The following SET variants were observed in gnomAD, a reference collection of about 807,000 sequenced individuals.
The protein encoded by SET is protein SET.
A neutral mutation model predicts 39.0 loss-of-function variants in SET; 4 were observed. The observed-to-expected ratio is 0.10, with a 90% CI of 0.05 to 0.23. The LOEUF (loss-of-function observed/expected upper bound fraction) is 0.23, where lower values mean the gene tolerates loss of function less well. Ranked by LOEUF, SET falls within the 10% of genes least tolerant of loss-of-function variation. The probability of loss-of-function intolerance (pLI) is 1.00; values close to 1 mark genes in which losing one functional copy is unlikely to be tolerated. For synonymous variants in SET, 114 were observed against 115.9 expected, an observed-to-expected ratio of 0.98 and a Z score of 0.11; for missense variants, 137 against 329.7, an observed-to-expected ratio of 0.42 and a Z score of 4.53.
chr9:128,692,845 A>C (rs547209290), intron 4 of SET, 23 bp from the exon 5 acceptor site: 8 of 1,522,096 alleles, frequency 5.3e-6, no homozygotes, highest in Middle Eastern at 1.7e-4. Context: ...TCATATTTCT[A>C]ATCTTTCAAT....
chr9:128,689,144 T>A, upstream of SET: 1 of 439,514 alleles, frequency 2.3e-6, no homozygotes, highest in Non-Finnish European at 3.0e-6. Context: ...CCCAGGCCAA[T>A]GGCGCCGCGG....
rs1193695962 is a variant in SET at position 128,695,244 on chromosome 9, C to T, written c.*580C>T. 4.5e-6 allele frequency: 1 copy of T among 221,684 alleles called. No individual in the cohort carries two copies. The highest frequency in any genetic ancestry group is 6.4e-5 in the East Asian group (1 of 15,680). The allele number at this position is 221,684 out of a possible 1,614,324, so 13.7% of individuals were successfully genotyped here. A position where few individuals can be genotyped will look rare whatever the true frequency, so the allele number is the denominator to read the frequency against. On this transcript the variant is annotated 3_prime_UTR_variant, in exon 8 of 8. Coordinates refer to ENST00000322030, the MANE Select transcript of SET (RefSeq NM_003011.4). Reference sequence around the variant, plus strand: ...TTAAGTGGGCATTTTGACAACATGGCTTCTCCTTTGGCATGTTTAATTGTG... The same window carrying T: ...TTAAGTGGGCATTTTGACAACATGGTTTCTCCTTTGGCATGTTTAATTGTG...
intron 1 of SET, 191 bp from the exon 2 acceptor site, chr9:128,690,979 A>C: frequency 3.1e-6 from 2 of 654,908 alleles, no homozygotes; most frequent in Non-Finnish European, 5.5e-6. Flanking sequence ...AGCAGACAGC[A>C]TGACTTGTAA....
chr9:128,689,230 G>A lies in SET; in HGVS notation c.-353G>A, dbSNP rs1311639770. On this transcript the variant is annotated 5_prime_UTR_variant, in exon 1 of 8. Coordinates refer to ENST00000322030, the MANE Select transcript of SET (RefSeq NM_003011.4). Reference sequence around the variant, plus strand: ...CTGCGCCCTGCGCCCGCCCCTCGCCGTAGGAGGAGGTGGAGGAGGAGGCGG... The same window carrying A: ...CTGCGCCCTGCGCCCGCCCCTCGCCATAGGAGGAGGTGGAGGAGGAGGCGG... The A allele has an allele frequency of 8.0e-6, 8 of 997,446 alleles. No homozygotes were observed. Among genetic ancestry groups the A allele is most frequent in the Non-Finnish European group, 9.6e-6 (8 of 837,372 alleles). 61.8% of individuals were successfully genotyped at this position (997,446 alleles called of 1,614,324 possible).
At chr9:128,688,939 CG>C (rs1344127945), upstream of SET, among the ~76,000 whole-genome samples, 1 of 151,700 alleles carries the variant, frequency 6.6e-6, no homozygotes, top group Non-Finnish European at 1.5e-5. Flanking sequence ...ACGCGCCGGC[CG>C]GGGGCACCCG....
chr9:128,694,122 AGTG>A (rs1861644007), intron 7 of SET, 80 bp downstream of exon 7: 2 of 1,273,116 alleles, frequency 1.6e-6, no homozygotes, highest in Non-Finnish European at 1.1e-6. Flanking sequence ...ATATATATAT[AGTG>A]TGGTAGAACT....
intron 7 of SET, 58 bp downstream of exon 7, chr9:128,694,100 T>TGG (rs1861640927): frequency 6.1e-6 from 8 of 1,305,500 alleles, no homozygotes; most frequent in African/African-American, 1.9e-5. Flanking sequence ...CATGTTATTT[T>TGG]GGGGTGTATA....
At position 128,689,600 on chromosome 9, in the gene SET, C is replaced by T; in HGVS notation, c.18C>T (p.Ala6=). ...GCAGCACCATGTCGGCGCCGGCGGCCAAAGTCAGTAAAAAGGAGCTCAACT... is the reference window on the plus strand; with the variant it reads ...GCAGCACCATGTCGGCGCCGGCGGCTAAAGTCAGTAAAAAGGAGCTCAACT... The part of the protein sequence containing the change: MSAPA[A]KVSKKELNSN... Residue 6 remains alanine, a synonymous_variant, in exon 1 of 8, where the codon GCC becomes GCT. Transcript: ENST00000322030. The T allele has an allele frequency of 7.2e-7, 1 of 1,384,970 alleles. No individual in the cohort carries two copies. Among genetic ancestry groups the T allele is most frequent in the Non-Finnish European group, 9.5e-7 (1 of 1,051,296 alleles). The allele number at this position is 1,384,970 out of a possible 1,614,324, so 85.8% of individuals were successfully genotyped here. A position where few individuals can be genotyped will look rare whatever the true frequency, so the allele number is the denominator to read the frequency against.
At position 128,691,159 on chromosome 9, in the gene SET, C is replaced by CT. The variant is rs773080956; in HGVS notation, c.74-5dup. The CT allele has an allele frequency of 1.4e-5, 23 of 1,600,098 alleles. No homozygotes were observed. Among genetic ancestry groups the CT allele is most frequent in the East Asian group, 2.2e-5 (1 of 44,756 alleles). Reference sequence around the variant, plus strand: ...TATCTTAGAATTAAGTTTTTTGCTCCTTTTTTGCAGAAAAAGAACAGCAAG... The same window carrying CT: ...TATCTTAGAATTAAGTTTTTTGCTCCTTTTTTTGCAGAAAAAGAACAGCAAG... On this transcript the variant is annotated splice_polypyrimidine_tract_variant and intron_variant, in intron 1 of 7. Coordinates refer to ENST00000322030, the MANE Select transcript of SET (RefSeq NM_003011.4).
At chr9:128,688,509 G>T (rs956147820), upstream of SET, among the ~76,000 whole-genome samples, 2 of 152,136 alleles carry the variant, frequency 1.3e-5, no homozygotes, top group African/African-American at 4.8e-5. Context: ...TGATTCTTGC[G>T]GGCGCTGGGC....
At chr9:128,693,563 TC>T in intron 5 of SET, 74 bp from the exon 6 acceptor site, 3 of 1,431,698 alleles carry the variant, frequency 2.1e-6, no homozygotes, top group South Asian at 2.9e-5. Context: ...TTGGGGAAAA[TC>T]TTATTTTTTA....
rs200600519 is a variant in SET at position 128,693,712 on chromosome 9, C to T, written c.567C>T (p.Phe189=). 75 of 1,613,812 alleles carry T rather than the reference C, an allele frequency of 4.6e-5. No homozygotes were observed. In the East Asian group the frequency reaches 1.7e-3, roughly 36 times the overall value. The change falls in exon 6 of 8, where the codon TTC becomes TTT. Residue 189 remains phenylalanine, a synonymous_variant. Coordinates refer to ENST00000322030, the MANE Select transcript of SET (RefSeq NM_003011.4). Reference sequence around the variant, plus strand: ...GGCAGCATGAGGAACCAGAGAGCTTCTTTACCTGGTTTACTGACCATTCTG... The same window carrying T: ...GGCAGCATGAGGAACCAGAGAGCTTTTTTACCTGGTTTACTGACCATTCTG... ...RKRQHEEPES[F]FTWFTDHSDA...
chr9:128,693,955 G>A lies in SET; in HGVS notation c.723G>A (p.Glu241=). The A allele has an allele frequency of 6.4e-7, 1 of 1,552,602 alleles. No homozygotes were observed. Among genetic ancestry groups the A allele is most frequent in the Non-Finnish European group, 8.9e-7 (1 of 1,125,078 alleles). ...EGEEDDDDDE[E]EEGLEDIDEE... is the part of the protein sequence containing the mutation. ...AAGAAGATGATGATGATGATGAAGA[G>A]GAGGAAGGATTAGAAGATATTGACG... Residue 241 remains glutamate (E), a synonymous_variant, in exon 7 of 8, where the codon GAG becomes GAA. Transcript: ENST00000322030.
intron 3 of SET, 94 bp downstream of exon 3, chr9:128,692,094 T>G: frequency 6.8e-7 from 1 of 1,462,098 alleles, no homozygotes. Context: ...CTGGGTTGCG[T>G]GCAACAAAGA....
chr9:128,689,838 G>C, intron 1 of SET, 183 bp downstream of exon 1: 1 of 156,996 alleles, frequency 6.4e-6, no homozygotes, highest in Non-Finnish European at 1.3e-5. Context: ...GGGGGCCTGG[G>C]TGGCCCGCGC....
exon 1 of SET, chr9:128,683,951 C>T (rs900458307): frequency 5.8e-6 from 9 of 1,557,496 alleles, no homozygotes; most frequent in Non-Finnish European, 7.8e-6. Flanking sequence ...CCAAGACCAC[C>T]TCCTGCTCTG....
Position 128,693,880 on chromosome 9 carries a change from C to CTT in SET, c.664-5_664-4dup, listed in dbSNP as rs140324291. 217 of 1,285,922 alleles carry CTT rather than the reference C, an allele frequency of 1.7e-4. No homozygotes were observed. The highest frequency in any genetic ancestry group is 7.6e-4 in the Admixed American group (35 of 46,008). The allele number at this position is 1,285,922 out of a possible 1,614,324, so 79.7% of individuals were successfully genotyped here. On this transcript the variant is annotated splice_polypyrimidine_tract_variant and intron_variant, in intron 6 of 7. Transcript: ENST00000322030. ...TTTAAAAATGAGTCCTTATATTGTGCTTTTTTTTTTTTAAGGTTCCCGATA... is the reference window on the plus strand; with the variant it reads ...TTTAAAAATGAGTCCTTATATTGTGCTTTTTTTTTTTTTTAAGGTTCCCGATA...
upstream of SET, among the ~76,000 whole-genome samples, chr9:128,688,458 C>T (rs1861363962): frequency 6.6e-6 from 1 of 152,190 alleles, no homozygotes; most frequent in African/African-American, 2.4e-5. Context: ...GGTGAGATAA[C>T]CGTGCCATGC....
upstream of SET, among the ~76,000 whole-genome samples, chr9:128,686,438 A>T (rs937643966): frequency 6.6e-6 from 1 of 152,158 alleles, no homozygotes; most frequent in Non-Finnish European, 1.5e-5. Context: ...TAAGGCACTT[A>T]GGAGACATTG....
Sources: gnomAD v4.1 joint callset for allele counts (sites outside exome capture counted in the v4.1 genomes callset) on GRCh38, gnomAD v4.1.1 for gene constraint, MANE v1.5 for transcripts, NCBI Gene and HGNC (gene_info 2026-07-23, HGNC 2026-07-21) for gene names.